The following JPT1 variants were observed in gnomAD, a reference collection of about 807,000 sequenced individuals.
The protein encoded by JPT1 is androgen-regulated protein 2.
A neutral mutation model predicts 17.0 loss-of-function variants in JPT1; 5 were observed. The observed-to-expected ratio is 0.29, with a 90% confidence interval of 0.15 to 0.62. The LOEUF (loss-of-function observed/expected upper bound fraction) is 0.62, where lower values mean the gene tolerates loss of function less well. JPT1 is among the 20% of genes least tolerant of loss of function. The pLI is 0.85. For synonymous variants in JPT1, 71 were observed against 73.6 expected, an observed-to-expected ratio of 0.96 and a Z score of 0.18; for missense variants, 158 against 188.1, an observed-to-expected ratio of 0.84 and a Z score of 0.94.
chr17:75,137,849 T>G (rs2074236738), intron 4 of JPT1, among the ~76,000 whole-genome samples: 1 of 151,824 alleles, frequency 6.6e-6, no homozygotes, highest in Non-Finnish European at 1.5e-5. Flanking sequence ...GGTTTCGCCA[T>G]GTTGGCCAGG....
rs1264137813 is a variant in JPT1, at chr17:75,149,477, C to G, written c.57-806G>C. ...CCACCTCCCGGGTTCACGCCATTCA[C>G]CTGCCTCAGCCTCCCGGATAGCTGG... On this transcript the variant is annotated intron_variant, in intron 1 of 4. Transcript: ENST00000409753. Among the ~76,000 whole-genome samples the G allele has an allele frequency of 4.6e-5, 7 of 152,258 alleles. No individual in the cohort carries two copies. The East Asian group carries it at 1.4e-3, about 29-fold the overall frequency.
At chr17:75,152,322 T>C (rs2074567456) in intron 1 of JPT1, among the ~76,000 whole-genome samples, 1 of 152,216 alleles carries the variant, frequency 6.6e-6, no homozygotes, top group Non-Finnish European at 1.5e-5. Flanking sequence ...CTTTCTTCTC[T>C]CTTAAAATCC....
chr17:75,142,804 C>T (rs898427860), intron 4 of JPT1: 10 of 456,050 alleles, frequency 2.2e-5, no homozygotes, highest in Non-Finnish European at 4.4e-5. Flanking sequence ...AGAACACAAA[C>T]AGTAATTAAT....
intron 4 of JPT1, chr17:75,141,437 G>A (rs1169366689): frequency 6.6e-6 from 1 of 152,322 alleles, no homozygotes; most frequent in East Asian, 1.9e-4. Flanking sequence ...GGGATCACCT[G>A]AGGTCAGGAG....
At position 75,148,812 on chromosome 17, in the gene JPT1, A is replaced by G. The variant is rs185287944; in HGVS notation, c.57-141T>C. 212 of 1,029,454 alleles carry G rather than the reference A, an allele frequency of 2.1e-4. 1 individual carries two copies. In the Middle Eastern group the frequency reaches 2.3e-3, roughly 11 times the overall value. The allele number at this position is 1,029,454 out of a possible 1,614,324, so 63.8% of individuals were successfully genotyped here. A position where few individuals can be genotyped will look rare whatever the true frequency, so the allele number is the denominator to read the frequency against. ...AACAGATAGCTGCTAACAGGAAAAA[A>G]GAATCAACTCCATCAGTGTCTACAT... On this transcript the variant is annotated intron_variant, in intron 1 of 4. Transcript: ENST00000409753.
At position 75,147,650 on chromosome 17, in the gene JPT1, G is replaced by T. The variant is rs761879488; in HGVS notation, c.203C>A (p.Ala68Asp). Residue 68 changes from alanine (A) to aspartate (D), a missense_variant, in exon 3 of 5, where the codon GCC becomes GAC. Ala to Asp is a moderately radical substitution (Grantham distance 126). Transcript: ENST00000409753. Reference protein sequence around the residue: ...NQASWAKSAGAKSSGGREDLE... With the variant: ...NQASWAKSAGDKSSGGREDLE... Reference sequence around the variant, plus strand: ...GTCTTCCCTGCCACCACTAGACTTGGCACCTAAAAATCAAAATATACTTTC... The same window carrying T: ...GTCTTCCCTGCCACCACTAGACTTGTCACCTAAAAATCAAAATATACTTTC... 6.2e-7 allele frequency: 1 copy of T among 1,611,634 alleles called. No individual in the cohort carries two copies. The highest frequency in any genetic ancestry group is 1.7e-5 in the Admixed American group (1 of 59,994).
At chr17:75,145,380 C>T (rs896654472) in intron 4 of JPT1, 1 of 152,354 alleles carries the variant, frequency 6.6e-6, no homozygotes, top group Non-Finnish European at 1.5e-5. Context: ...CTGACACTTA[C>T]AAACCTTGCA....
intron 1 of JPT1, chr17:75,153,118 C>T (rs2074579566): frequency 6.6e-6 from 1 of 152,150 alleles, no homozygotes; most frequent in Non-Finnish European, 1.5e-5. Flanking sequence ...GGTAGCCACA[C>T]ATGAATGCAG....
intron 4 of JPT1, among the ~76,000 whole-genome samples, chr17:75,144,041 ATGGATTCTGAGGACTTC>A (rs1487753841): frequency 7.6e-6 from 1 of 130,926 alleles, no homozygotes; most frequent in East Asian, 2.0e-4. Context: ...ACCCAGAAGG[ATGGATTCTGAGGACTTC>A]TGGATAACTG....
At chr17:75,146,775 G>T in intron 3 of JPT1, 91 bp from the exon 4 acceptor site, 1 of 772,020 alleles carries the variant, frequency 1.3e-6, no homozygotes, top group Non-Finnish European at 2.2e-6. Context: ...ACATCTACTT[G>T]AAACCGAATG....
chr17:75,150,847 C>CTTTTTTTTTTTTTTTTTT (rs59267123), intron 1 of JPT1, among the ~76,000 whole-genome samples: 13 of 65,956 alleles, frequency 2.0e-4, no homozygotes, highest in Non-Finnish European at 3.6e-4. Flanking sequence ...ATTTTTCTTT[C>CTTTTTTTTTTTTTTTTTT]TTTTTTTTTT....
intron 4 of JPT1, among the ~76,000 whole-genome samples, chr17:75,140,841 C>A (rs1328783953): frequency 6.6e-6 from 1 of 152,126 alleles, no homozygotes; most frequent in Non-Finnish European, 1.5e-5. Flanking sequence ...CCTGTAATCC[C>A]GACACTTTGG....
At chr17:75,138,215 G>A (rs11650656) in intron 4 of JPT1, among the ~76,000 whole-genome samples, 309 of 152,166 alleles carry the variant, frequency 2.0e-3, no homozygotes, top group Admixed American at 4.0e-3. Flanking sequence ...AACCTGCCTT[G>A]GCCTCCCAAG....
chr17:75,147,796 C>T, intron 2 of JPT1, 143 bp from the exon 3 acceptor site: 1 of 615,662 alleles, frequency 1.6e-6, no homozygotes, highest in Non-Finnish European at 2.9e-6. Flanking sequence ...GTCAGGAGTT[C>T]AAGACCAGCC....
chr17:75,147,139 G>A (rs187727384), intron 3 of JPT1, among the ~76,000 whole-genome samples: 1 of 152,306 alleles, frequency 6.6e-6, no homozygotes, highest in African/African-American at 2.4e-5. Context: ...GTGCTTAGTC[G>A]GGCGGGGTCT....
At chr17:75,142,664 GAGGAAGGGAAC>G (rs1157783416) in intron 4 of JPT1, 2 of 354,466 alleles carry the variant, frequency 5.6e-6, no homozygotes, top group African/African-American at 7.1e-5. Flanking sequence ...AGGGAAGGGG[GAGGAAGGGAAC>G]GGGAAGGGAT....
chr17:75,150,847 CTTTT>C (rs59267123), intron 1 of JPT1, among the ~76,000 whole-genome samples: 3 of 65,956 alleles, frequency 4.5e-5, no homozygotes, highest in African/African-American at 1.3e-4. Flanking sequence ...ATTTTTCTTT[CTTTT>C]TTTTTTTTTT....
chr17:75,147,396 C>A, intron 3 of JPT1, 160 bp downstream of exon 3: 1 of 582,094 alleles, frequency 1.7e-6, no homozygotes, highest in South Asian at 2.2e-5. Context: ...TGTTAACACA[C>A]TTCTATGATT....
Position 75,148,656 on chromosome 17 carries a change from T to C in JPT1, c.72A>G (p.Pro24=). ...SRNSSRVLRP[P]GGGSNFSLGF... ...CTAATGAAAAATTGGATCCACCACCTGGAGGCCGCAAAACTCTGCAAATAA... is the reference window on the plus strand; with the variant it reads ...CTAATGAAAAATTGGATCCACCACCCGGAGGCCGCAAAACTCTGCAAATAA... The change falls in exon 2 of 5, where the codon CCA becomes CCG. Residue 24 remains proline (P), a synonymous_variant. Coordinates refer to ENST00000409753, the MANE Select transcript of JPT1 (RefSeq NM_016185.4). The C allele has an allele frequency of 6.2e-7, 1 of 1,614,198 alleles. No homozygotes were observed. The highest frequency in any genetic ancestry group is 8.5e-7 in the Non-Finnish European group (1 of 1,180,020).
Sources: gnomAD v4.1 joint callset for allele counts (sites outside exome capture counted in the v4.1 genomes callset) on GRCh38, gnomAD v4.1.1 for gene constraint, MANE v1.5 for transcripts, NCBI Gene and HGNC (gene_info 2026-07-23, HGNC 2026-07-21) for gene names.